CELF2: variants seen among roughly 807,000 people sequenced by gnomAD.
CELF2 encodes the protein CUGBP Elav-like family member 2.
Under a neutral mutation model 62.6 loss-of-function variants are expected in CELF2, and 8 were observed. The ratio of observed to expected loss-of-function variants is 0.13; its 90% CI spans 0.07 to 0.23. The LOEUF (loss-of-function observed/expected upper bound fraction) is 0.23. Among genes scored for constraint, CELF2 ranks in the 10% least tolerant of loss-of-function variants. The pLI is 1.00. For synonymous variants in CELF2, 258 were observed against 250.0 expected (o/e 1.03, Z -0.30); for missense variants, 333 against 671.0 (o/e 0.50, Z 5.56).
intron 2 of CELF2, among the ~76,000 whole-genome samples, chr10:11,203,388 G>A (rs138814670): frequency 2.0e-4 from 30 of 152,278 alleles, no homozygotes; most frequent in African/African-American, 6.0e-4. Flanking sequence ...AGCACATCAC[G>A]TACAAGGACC....
rs117092943 is a variant in CELF2, at chr10:11,101,509, C to T, written c.75-63977C>T. Among the ~76,000 whole-genome samples, 272 of 152,212 alleles carry T rather than the reference C, an allele frequency of 1.8e-3. 8 individuals are homozygous for T. The East Asian group carries it at 0.05, about 28-fold the overall frequency. On this transcript the variant is annotated intron_variant, in intron 1 of 12. Transcript: ENST00000633077. ...CAGGAGAGTGTTAATGTCAAAGAACCCAAGACATGAGAGGGTTTCAAGGTC... is the reference window on the plus strand; with the variant it reads ...CAGGAGAGTGTTAATGTCAAAGAACTCAAGACATGAGAGGGTTTCAAGGTC...
chr10:10,848,814 A>T (rs548088607), intron 1 of CELF2, among the ~76,000 whole-genome samples: 6 of 152,156 alleles, frequency 3.9e-5, no homozygotes, highest in African/African-American at 1.4e-4. Context: ...AGATTAGACC[A>T]CAGGGTTGTA....
chr10:10,933,323 T>G (rs1185069121), intron 2 of CELF2, among the ~76,000 whole-genome samples: 3 of 152,086 alleles, frequency 2.0e-5, no homozygotes, highest in Non-Finnish European at 2.9e-5. Context: ...TGACACATAA[T>G]AGTTATACAT....
At chr10:10,932,825 C>G (rs2066224400) in intron 2 of CELF2, among the ~76,000 whole-genome samples, 1 of 151,964 alleles carries the variant, frequency 6.6e-6, no homozygotes, top group African/African-American at 2.4e-5. Context: ...CTTCTGCAAC[C>G]AGAAAGGGCA....
intron 8 of CELF2, among the ~76,000 whole-genome samples, chr10:11,278,075 G>A (rs2086806037): frequency 6.6e-6 from 1 of 152,082 alleles, no homozygotes; most frequent in East Asian, 1.9e-4. Flanking sequence ...CATTTATATG[G>A]GTGAAACATT....
At chr10:11,271,315 C>T (rs536304888) in intron 7 of CELF2, among the ~76,000 whole-genome samples, 10 of 152,360 alleles carry the variant, frequency 6.6e-5, no homozygotes, top group African/African-American at 2.4e-4. Context: ...CCAGCAGACC[C>T]AGTTCTCTCA....
At chr10:11,061,819 T>G (rs915699110) in intron 1 of CELF2, among the ~76,000 whole-genome samples, 6 of 151,882 alleles carry the variant, frequency 4.0e-5, no homozygotes, top group African/African-American at 1.5e-4. Flanking sequence ...TTTTTATTTG[T>G]TTGTTTTAAT....
chr10:10,860,767 T>C (rs1024164675), intron 1 of CELF2, among the ~76,000 whole-genome samples: 2 of 152,186 alleles, frequency 1.3e-5, no homozygotes, highest in African/African-American at 2.4e-5. Context: ...GACAGCTTGA[T>C]TGGTTACAGC....
chr10:11,227,124 A>G lies in CELF2; in HGVS notation c.354+9617A>G, dbSNP rs1404634524. Among the ~76,000 whole-genome samples, 1 of 152,226 alleles carries G rather than the reference A, an allele frequency of 6.6e-6. No individual in the cohort carries two copies. Among genetic ancestry groups the G allele is most frequent in the Non-Finnish European group, 1.5e-5 (1 of 68,030 alleles). The stretch of plus-strand genomic sequence containing the variant: ...ACCCCAAGCTTTAGGCAGCAGGACA[A>G]GAGGCCGAGGTTGTGAAACAAACGG... On this transcript the variant is annotated intron_variant, in intron 3 of 12. Coordinates refer to ENST00000633077, the MANE Select transcript of CELF2 (RefSeq NM_001326342.2). This position sits in a 1 kb window ranked among gnomAD's most constrained non-coding sequence, Gnocchi z 4.8.
At chr10:11,027,134 A>G (rs974456417) in intron 1 of CELF2, among the ~76,000 whole-genome samples, 6 of 152,166 alleles carry the variant, frequency 3.9e-5, no homozygotes, top group African/African-American at 1.2e-4. Context: ...TCTTGGTGTC[A>G]GGACTGAGAG....
the CELF2 span, among the ~76,000 whole-genome samples, chr10:10,585,417 G>C: frequency 7.0e-6 from 1 of 143,028 alleles, no homozygotes. Flanking sequence ...GGGTCATGGA[G>C]AAAGGAAACT....
chr10:10,978,259 C>T (rs1006911408), intron 2 of CELF2, among the ~76,000 whole-genome samples: 2 of 152,040 alleles, frequency 1.3e-5, no homozygotes, highest in Non-Finnish European at 2.9e-5. Flanking sequence ...CCAGTTTTAG[C>T]CTAATGCTTT....
At chr10:10,610,051 C>T in the CELF2 span, among the ~76,000 whole-genome samples, 1 of 152,146 alleles carries the variant, frequency 6.6e-6, no homozygotes, top group Non-Finnish European at 1.5e-5. Context: ...GATCTGGAAC[C>T]TATTTATGTG....
the CELF2 span, among the ~76,000 whole-genome samples, chr10:10,578,649 C>T: frequency 3.3e-3 from 499 of 152,166 alleles, 2 homozygotes; most frequent in African/African-American, 0.012. Flanking sequence ...CAAGCACACC[C>T]CAGCCCCAAA....
intron 2 of CELF2, among the ~76,000 whole-genome samples, chr10:10,950,076 A>T (rs927269808): frequency 6.6e-6 from 1 of 152,094 alleles, no homozygotes; most frequent in Non-Finnish European, 1.5e-5. Flanking sequence ...CTCTCCCCTG[A>T]TTCCTGAGTT....
In CELF2 at chr10:11,324,524, C is replaced by G. The variant is rs749355240; in HGVS notation, c.1295-1312C>G. ...CCATGCCCTAGAATACGGATATATC[C>G]CAGGAAATTGGCAGCAATATGGAAA... On this transcript the variant is annotated intron_variant, in intron 11 of 12. Transcript: ENST00000633077. The surrounding 1 kb of genome is among the most constrained non-coding windows in gnomAD (Gnocchi z 4.7). 1.1e-4 allele frequency among the ~76,000 whole-genome samples: 16 copies of G among 152,072 alleles called. No homozygotes were observed. Among genetic ancestry groups the G allele is most frequent in the Non-Finnish European group, 2.1e-4 (14 of 68,022 alleles).
At chr10:10,646,656 TG>T in the CELF2 span, among the ~76,000 whole-genome samples, 1 of 152,218 alleles carries the variant, frequency 6.6e-6, no homozygotes, top group African/African-American at 2.4e-5. Context: ...TATTACTTCC[TG>T]AGTTTTGTTT....
At chr10:11,084,660 C>T (rs546878428) in intron 1 of CELF2, among the ~76,000 whole-genome samples, 110 of 151,928 alleles carry the variant, frequency 7.2e-4, no homozygotes, top group Non-Finnish European at 1.4e-3. Flanking sequence ...AATGAAAATA[C>T]CACTTTAAAA....
At chr10:10,637,676 G>A in the CELF2 span, among the ~76,000 whole-genome samples, 30 of 152,254 alleles carry the variant, frequency 2.0e-4, no homozygotes, top group African/African-American at 4.3e-4. Context: ...GGATCCCAAC[G>A]GTCACCTGAA....
Sources: allele counts gnomAD v4.1 joint callset (sites outside exome capture counted in the v4.1 genomes callset), GRCh38; gene constraint gnomAD v4.1.1; non-coding constraint Gnocchi (gnomAD v3.1); transcripts MANE v1.5; gene names NCBI Gene and HGNC (gene_info 2026-07-23, HGNC 2026-07-21).